Variants in ALK observed in about 807,000 individuals in gnomAD.
The protein encoded by ALK is ALK tyrosine kinase receptor.
Under a neutral mutation model 163.1 loss-of-function variants are expected in ALK, and 74 were observed. That is an observed-to-expected ratio of 0.45 (90% CI 0.38 to 0.55). ALK has a LOEUF of 0.55. ALK is among the 20% of genes least tolerant of loss of function. The pLI, the probability that ALK is intolerant of heterozygous loss-of-function variation, is 0.00. For missense variants in ALK, 2,063 were observed against 2,105.3 expected (o/e 0.98, Z 0.39); for synonymous variants, 960 against 843.2 (o/e 1.14, Z -2.40).
chr2:29,880,743 C>T (rs1316775388), intron 1 of ALK, among the ~76,000 whole-genome samples: 3 of 152,154 alleles, frequency 2.0e-5, no homozygotes, highest in South Asian at 2.1e-4. Context: ...AAAAGTGAGC[C>T]TGAAAAATTG....
At position 29,521,325 on chromosome 2, in the gene ALK, C is replaced by T. The variant is rs567126876; in HGVS notation, c.1154+10590G>A. Among the ~76,000 whole-genome samples the T allele has an allele frequency of 2.2e-4, 34 of 152,186 alleles. No individual in the cohort carries two copies. In the South Asian group the frequency reaches 6.4e-3, roughly 29 times the overall value. On this transcript the variant is annotated intron_variant, in intron 4 of 28. Coordinates refer to ENST00000389048, the MANE Select transcript of ALK (RefSeq NM_004304.5). ...GCTCTCAGTGGCCTCCCCTAGGGACCCTCCCTTTTCTCACCACCACAAGAC... is the reference window on the plus strand; with the variant it reads ...GCTCTCAGTGGCCTCCCCTAGGGACTCTCCCTTTTCTCACCACCACAAGAC...
intron 18 of ALK, among the ~76,000 whole-genome samples, chr2:29,226,206 C>T (rs376822714): frequency 2.5e-3 from 375 of 152,018 alleles, no homozygotes; most frequent in African/African-American, 8.3e-3. Flanking sequence ...GGGCCAGGTG[C>T]GGTGGCTCAC....
intron 2 of ALK, among the ~76,000 whole-genome samples, chr2:29,713,193 T>C (rs1430745400): frequency 1.3e-5 from 2 of 152,316 alleles, no homozygotes; most frequent in East Asian, 1.9e-4. Flanking sequence ...GTGCCTGTGT[T>C]TTCTCTTCTT....
chr2:29,572,503 G>A (rs962023165), intron 3 of ALK, among the ~76,000 whole-genome samples: 4 of 152,132 alleles, frequency 2.6e-5, no homozygotes, highest in Admixed American at 2.6e-4. Flanking sequence ...CACTTGCCCT[G>A]CATGCCTGGT....
At chr2:29,582,849 ACC>A (rs1406594257) in intron 3 of ALK, among the ~76,000 whole-genome samples, 1 of 142,590 alleles carries the variant, frequency 7.0e-6, no homozygotes, top group Non-Finnish European at 1.5e-5. Context: ...CAGAATTCAA[ACC>A]CAGCACTCCT....
intron 4 of ALK, among the ~76,000 whole-genome samples, chr2:29,419,479 C>T (rs1669964754): frequency 1.3e-5 from 2 of 151,484 alleles, no homozygotes; most frequent in East Asian, 1.9e-4. Flanking sequence ...TGAGGTCCTT[C>T]TGGGTGGAGG....
intron 3 of ALK, among the ~76,000 whole-genome samples, chr2:29,617,670 C>T (rs1484089101): frequency 6.6e-6 from 1 of 152,188 alleles, no homozygotes; most frequent in East Asian, 1.9e-4. Flanking sequence ...TTGACCCACT[C>T]ATCTGCTTCA....
intron 4 of ALK, among the ~76,000 whole-genome samples, chr2:29,385,748 C>A (rs1345209115): frequency 6.6e-6 from 1 of 152,168 alleles, no homozygotes; most frequent in Non-Finnish European, 1.5e-5. Flanking sequence ...AGTACATATA[C>A]TCTGTGGTTG....
chr2:29,794,492 T>C (rs1277946217), intron 1 of ALK, among the ~76,000 whole-genome samples: 2 of 152,162 alleles, frequency 1.3e-5, no homozygotes, highest in South Asian at 4.1e-4. Flanking sequence ...AGGCCTAGCT[T>C]TTGATCTGTC....
intron 3 of ALK, among the ~76,000 whole-genome samples, chr2:29,565,054 A>G (rs1413854206): frequency 6.6e-6 from 1 of 152,240 alleles, no homozygotes; most frequent in African/African-American, 2.4e-5. Flanking sequence ...TCCATTTGCC[A>G]ATTGCCTACT....
chr2:29,744,028 C>T (rs941763036), intron 1 of ALK, among the ~76,000 whole-genome samples: 2 of 151,862 alleles, frequency 1.3e-5, no homozygotes, highest in Non-Finnish European at 2.9e-5. Flanking sequence ...ATTGGGTTTC[C>T]ATGCCACTGC....
intron 1 of ALK, among the ~76,000 whole-genome samples, chr2:29,732,572 G>A (rs909881251): frequency 2.0e-5 from 3 of 152,318 alleles, no homozygotes; most frequent in South Asian, 2.1e-4. Context: ...CTGTTAGGGA[G>A]AACTGTGGAC....
intron 1 of ALK, among the ~76,000 whole-genome samples, chr2:29,762,124 C>T (rs894607599): frequency 2.6e-5 from 4 of 152,184 alleles, no homozygotes; most frequent in African/African-American, 2.4e-5. Flanking sequence ...GTTGGTTTTC[C>T]CTAGCCAAGG....
chr2:29,850,159 C>A (rs545772766), intron 1 of ALK, among the ~76,000 whole-genome samples: 2 of 152,300 alleles, frequency 1.3e-5, no homozygotes, highest in South Asian at 4.1e-4. Context: ...GAGGATGAAT[C>A]AATCTACAAC....
intron 18 of ALK, 147 bp from the exon 19 acceptor site, chr2:29,225,712 G>A: frequency 1.4e-6 from 1 of 718,348 alleles, no homozygotes; most frequent in South Asian, 1.6e-5. Context: ...TCTTTTCAGG[G>A]GACCATGAGC....
At chr2:29,748,799 G>T (rs940916884) in intron 1 of ALK, among the ~76,000 whole-genome samples, 5 of 151,982 alleles carry the variant, frequency 3.3e-5, no homozygotes, top group Non-Finnish European at 7.4e-5. Context: ...AGGCTGGAAT[G>T]CAGTGGCACG....
intron 4 of ALK, among the ~76,000 whole-genome samples, chr2:29,464,332 A>G (rs1671154867): frequency 6.6e-6 from 1 of 152,190 alleles, no homozygotes; most frequent in Non-Finnish European, 1.5e-5. Flanking sequence ...GGGGCCAAAA[A>G]CCTTTTCCAT....
intron 3 of ALK, among the ~76,000 whole-genome samples, chr2:29,679,364 T>C (rs1677993175): frequency 6.6e-6 from 1 of 151,876 alleles, no homozygotes; most frequent in Non-Finnish European, 1.5e-5. Context: ...TCCTTTTTTT[T>C]CAGCACTGAA....
chr2:29,638,939 G>A (rs143679186), intron 3 of ALK, among the ~76,000 whole-genome samples: 31 of 152,248 alleles, frequency 2.0e-4, no homozygotes, highest in African/African-American at 6.5e-4. Flanking sequence ...CAGTACATGT[G>A]GACCACATGG....
Sources: allele counts gnomAD v4.1 joint callset (sites outside exome capture counted in the v4.1 genomes callset), GRCh38; gene constraint gnomAD v4.1.1; transcripts MANE v1.5; gene names NCBI Gene and HGNC (gene_info 2026-07-23, HGNC 2026-07-21).